The following USH2A variants were observed in gnomAD, a reference collection of about 807,000 sequenced individuals.
USH2A encodes the protein Usher syndrome 2A (autosomal recessive, mild).
A neutral mutation model predicts 538.9 loss-of-function variants in USH2A; 443 were observed. The observed-to-expected ratio is 0.82, with a 90% CI of 0.76 to 0.89. USH2A has a LOEUF of 0.89. Among genes scored for constraint, USH2A ranks in the 40% least tolerant of loss-of-function variants. The pLI is 0.00. For missense variants in USH2A, 6,633 were observed against 6,324.8 expected (o/e 1.05, Z -1.65); for synonymous variants, 2,413 against 2,273.5 (o/e 1.06, Z -1.75).
rs149222801 is a variant in USH2A at position 215,650,620 on chromosome 1, G to A, written c.14315C>T (p.Ser4772Phe). The part of the protein sequence containing the change: ...NGIVSLYRLF[S>F]SSAHGAETVL... ...TGTCTCAGCCCCATGGGCGCTGCTG[G>A]AGAACAGCCTGTAGAGACTGACGAT... The change falls in exon 65 of 72, where the codon TCC becomes TTC. Residue 4772 changes from serine (S) to phenylalanine (F), a missense_variant. Transcript: ENST00000307340. The A allele has an allele frequency of 5.9e-4, 958 of 1,614,176 alleles. 7 individuals are homozygous for A. In the African/African-American group the frequency reaches 0.012, roughly 20 times the overall value.
chr1:216,090,499 T>C (rs540562258), intron 22 of USH2A, among the ~76,000 whole-genome samples: 1 of 149,808 alleles, frequency 6.7e-6, no homozygotes, highest in African/African-American at 2.5e-5. Flanking sequence ...ACATGGACAA[T>C]ATCCCAACTT....
chr1:216,108,822 T>A (rs1315835250), intron 21 of USH2A, among the ~76,000 whole-genome samples: 1 of 152,174 alleles, frequency 6.6e-6, no homozygotes, highest in Non-Finnish European at 1.5e-5. Flanking sequence ...CTATCATTTA[T>A]CTCTTAAAAT....
At chr1:215,835,308 A>G (rs1663445610) in intron 47 of USH2A, among the ~76,000 whole-genome samples, 1 of 150,620 alleles carries the variant, frequency 6.6e-6, no homozygotes, top group African/African-American at 2.4e-5. Flanking sequence ...ATCTGGAGGT[A>G]TTTTTTTTGA....
At chr1:216,029,517 A>G (rs973332232) in intron 32 of USH2A, among the ~76,000 whole-genome samples, 2 of 151,994 alleles carry the variant, frequency 1.3e-5, no homozygotes, top group Non-Finnish European at 2.9e-5. Context: ...AAAACCTTTG[A>G]AACAATCTCA....
chr1:215,828,138 C>A (rs1384387305), intron 47 of USH2A, among the ~76,000 whole-genome samples: 1 of 152,096 alleles, frequency 6.6e-6, no homozygotes. Flanking sequence ...CTTAACCCCA[C>A]ATTAAGTAAT....
At chr1:215,796,341 T>C (rs1012160572) in intron 50 of USH2A, among the ~76,000 whole-genome samples, 2 of 152,172 alleles carry the variant, frequency 1.3e-5, no homozygotes, top group Non-Finnish European at 2.9e-5. Context: ...ATAGCACGTG[T>C]TCGCTTCGTG....
chr1:216,181,486 T>C (rs947240060), intron 20 of USH2A, among the ~76,000 whole-genome samples: 14 of 152,042 alleles, frequency 9.2e-5, no homozygotes, highest in Non-Finnish European at 1.8e-4. Context: ...TTCTGTGACA[T>C]AAAGAAAACC....
At chr1:216,182,255 G>A (rs1057110826) in intron 20 of USH2A, among the ~76,000 whole-genome samples, 4 of 152,076 alleles carry the variant, frequency 2.6e-5, no homozygotes, top group African/African-American at 9.6e-5. Context: ...TTTTTAGGGC[G>A]TATCTGTCAA....
chr1:215,855,483 G>T (rs902752654), intron 44 of USH2A, among the ~76,000 whole-genome samples: 4 of 152,126 alleles, frequency 2.6e-5, no homozygotes, highest in African/African-American at 9.7e-5. Flanking sequence ...ATAAAATGCT[G>T]CTGAAAGAAA....
At chr1:215,806,191 G>A (rs1451365245) in intron 49 of USH2A, among the ~76,000 whole-genome samples, 6 of 152,168 alleles carry the variant, frequency 3.9e-5, no homozygotes, top group African/African-American at 1.4e-4. Flanking sequence ...ATAACCAAAT[G>A]TCTCAGCGGT....
chr1:215,897,941 A>C (rs984087398), intron 40 of USH2A, among the ~76,000 whole-genome samples: 1 of 152,196 alleles, frequency 6.6e-6, no homozygotes, highest in Admixed American at 6.5e-5. Context: ...GCCTTGACAG[A>C]AAAACTGCTT....
intron 21 of USH2A, among the ~76,000 whole-genome samples, chr1:216,115,157 A>C (rs1194358295): frequency 6.6e-6 from 1 of 151,394 alleles, no homozygotes; most frequent in African/African-American, 2.4e-5. Flanking sequence ...GTTTGAGACA[A>C]GGTCTTTCTC....
intron 32 of USH2A, among the ~76,000 whole-genome samples, chr1:216,017,960 A>G (rs1245718055): frequency 6.6e-6 from 1 of 152,130 alleles, no homozygotes; most frequent in African/African-American, 2.4e-5. Context: ...AGACATACAC[A>G]TTTCTTTTTT....
At chr1:216,294,885 T>C (rs1031671263) in intron 9 of USH2A, among the ~76,000 whole-genome samples, 3 of 152,048 alleles carry the variant, frequency 2.0e-5, no homozygotes, top group Non-Finnish European at 2.9e-5. Context: ...TTCTTTAGTA[T>C]ACTCTTTTTT....
At position 215,648,770 on chromosome 1, in the gene USH2A, T is replaced by TGGAA. The variant is rs1240494563; in HGVS notation, c.14344-8_14344-5dup. Reference sequence around the variant, plus strand: ...GGGTGGCCATGCCTTCGGATAGCTGTGGAAGGAAGGAAGGCTAGATAAAGG... The same window carrying TGGAA: ...GGGTGGCCATGCCTTCGGATAGCTGTGGAAGGAAGGAAGGAAGGCTAGATAAAGG... On this transcript the variant is annotated splice_region_variant and splice_polypyrimidine_tract_variant and intron_variant, in intron 65 of 71. Transcript: ENST00000307340. 1.1e-5 allele frequency: 18 copies of TGGAA among 1,612,798 alleles called. No individual in the cohort carries two copies. Among genetic ancestry groups the TGGAA allele is most frequent in the African/African-American group, 4.0e-5 (3 of 74,838 alleles).
intron 35 of USH2A, among the ~76,000 whole-genome samples, chr1:215,977,894 G>A (rs558905576): frequency 1.3e-5 from 2 of 152,304 alleles, no homozygotes; most frequent in Admixed American, 6.5e-5. Context: ...GAGAAGCCAA[G>A]GCAAGTGAAT....
rs189837820 is a variant in USH2A, at chr1:216,160,312, C to G, written c.4627+14940G>C. Among the ~76,000 whole-genome samples, 278 of 152,012 alleles carry G rather than the reference C, an allele frequency of 1.8e-3. 1 individual carries two copies. The highest frequency in any genetic ancestry group is 0.01 in the Middle Eastern group (3 of 294). On this transcript the variant is annotated intron_variant, in intron 21 of 71. Coordinates refer to ENST00000307340, the MANE Select transcript of USH2A (RefSeq NM_206933.4). The stretch of plus-strand genomic sequence containing the variant: ...AGCAATATCAGATTCCTGATATTGT[C>G]CATCCTACAATGTTTTTATATGTAT...
At chr1:215,642,671 T>A (rs1221007717) in intron 67 of USH2A, among the ~76,000 whole-genome samples, 1 of 152,224 alleles carries the variant, frequency 6.6e-6, no homozygotes, top group South Asian at 2.1e-4. Flanking sequence ...CGAGGTCATT[T>A]ACATCCACTC....
At position 216,364,947 on chromosome 1, in the gene USH2A, A is replaced by G. The variant is rs1332998308; in HGVS notation, c.784+6T>C. On this transcript the variant is annotated splice_donor_region_variant and intron_variant, in intron 4 of 71. Transcript: ENST00000307340. ...AATAAATAACATTCTGAAGTCAGAA[A>G]CTTACCATTTAAACTCTGTCCTATT... 2.5e-6 allele frequency: 4 copies of G among 1,613,408 alleles called. No homozygotes were observed. The highest frequency in any genetic ancestry group is 1.1e-5 in the South Asian group (1 of 91,068).
Sources: allele counts gnomAD v4.1 joint callset (sites outside exome capture counted in the v4.1 genomes callset), GRCh38; gene constraint gnomAD v4.1.1; transcripts MANE v1.5; gene names NCBI Gene and HGNC (gene_info 2026-07-23, HGNC 2026-07-21).